SLC35B3: variants seen among roughly 807,000 people sequenced by gnomAD.
SLC35B3 encodes the protein solute carrier family 35 member B3, also known as adenosine 3'-phospho 5'-phosphosulfate transporter 2.
SLC35B3 carries 35 observed loss-of-function variants against 44.1 expected under a neutral mutation model. The ratio of observed to expected loss-of-function variants is 0.79; its 90% CI spans 0.61 to 1.05. The LOEUF (loss-of-function observed/expected upper bound fraction) is 1.05, where lower values mean the gene tolerates loss of function less well. Ranked by LOEUF, SLC35B3 falls within the 50% of genes least tolerant of loss-of-function variation. The pLI is 0.00. For missense variants in SLC35B3, 414 were observed against 476.4 expected, an observed-to-expected ratio of 0.87 and a Z score of 1.22; for synonymous variants, 146 against 167.3, an observed-to-expected ratio of 0.87 and a Z score of 0.98.
chr6:8,418,413 C>T (rs1762602846), intron 7 of SLC35B3, among the ~76,000 whole-genome samples: 1 of 151,838 alleles, frequency 6.6e-6, no homozygotes, highest in Non-Finnish European at 1.5e-5. Flanking sequence ...TCCTGTCTAT[C>T]CTTAATTCAG....
At chr6:8,428,131 C>A in intron 3 of SLC35B3, 73 bp from the exon 3 acceptor site, 1 of 1,329,276 alleles carries the variant, frequency 7.5e-7, no homozygotes, top group South Asian at 2.5e-5. Flanking sequence ...TTCTTAGAAA[C>A]ACAACATTTT....
intron 5 of SLC35B3, among the ~76,000 whole-genome samples, chr6:8,421,523 A>G (rs947124925): frequency 6.6e-6 from 1 of 152,194 alleles, no homozygotes; most frequent in Non-Finnish European, 1.5e-5. Flanking sequence ...CTAATGCATA[A>G]ATGATATCAG....
chr6:8,435,038 C>T lies in SLC35B3; in HGVS notation c.-44+305G>A. ...AGGTGACTGACAGTTCTCCAGAGAC[C>T]CCGAGAACAGCGTAAAAGACCCCTT... On this transcript the variant is annotated intron_variant, in intron 1 of 10. Coordinates refer to ENST00000644923, the MANE Select transcript of SLC35B3 (RefSeq NM_001370476.2). The surrounding 1 kb of genome is among the most constrained non-coding windows in gnomAD (Gnocchi z 5.5). The T allele has an allele frequency of 8.6e-7, 1 of 1,168,508 alleles. No homozygotes were observed. Among genetic ancestry groups the T allele is most frequent in the Non-Finnish European group, 1.1e-6 (1 of 921,872 alleles). 72.4% of individuals were successfully genotyped at this position (1,168,508 alleles called of 1,614,324 possible). A position where few individuals can be genotyped will look rare whatever the true frequency, so the allele number is the denominator to read the frequency against.
chr6:8,420,727 G>C lies in SLC35B3; in HGVS notation c.676C>G (p.Leu226Val). The C allele has an allele frequency of 6.2e-7, 1 of 1,609,892 alleles. No homozygotes were observed. The highest frequency in any genetic ancestry group is 8.5e-7 in the Non-Finnish European group (1 of 1,177,054). Residue 226 changes from leucine (L) to valine (V), a missense_variant, in exon 6 of 11, where the codon CTG becomes GTG. Coordinates refer to ENST00000644923, the MANE Select transcript of SLC35B3 (RefSeq NM_001370476.2). This position sits in a 1 kb window ranked among gnomAD's most constrained non-coding sequence, Gnocchi z 4.4. The stretch of plus-strand genomic sequence containing the variant: ...ATATAAATAAATTACTTACCCGTCA[G>C]GTTGAAATTTGGTGCAGTTGTGCTG...
rs1764189116 is a variant in SLC35B3 at position 8,433,532 on chromosome 6, C to T, written c.3+853G>A. ...AACGTTATTCAGCTCCTTTCCAACA[C>T]TTTACCACTTCTAATACACTTCTTG... On this transcript the variant is annotated intron_variant, in intron 2 of 10. Transcript: ENST00000644923. The surrounding 1 kb of genome is among the most constrained non-coding windows in gnomAD (Gnocchi z 4.1). 6.6e-6 allele frequency among the ~76,000 whole-genome samples: 1 copy of T among 152,172 alleles called. No individual in the cohort carries two copies. The highest frequency in any genetic ancestry group is 1.9e-4 in the East Asian group (1 of 5,184).
intron 9 of SLC35B3, among the ~76,000 whole-genome samples, chr6:8,416,378 G>A (rs34088699): frequency 3.3e-5 from 5 of 152,180 alleles, no homozygotes; most frequent in African/African-American, 9.6e-5. Flanking sequence ...AAATACAACT[G>A]ATTTTTCTAC....
chr6:8,420,468 C>T lies in SLC35B3; in HGVS notation c.682+253G>A, dbSNP rs941319499. On this transcript the variant is annotated intron_variant, in intron 6 of 10. Transcript: ENST00000644923. The surrounding 1 kb of genome is among the most constrained non-coding windows in gnomAD (Gnocchi z 4.4). Reference sequence around the variant, plus strand: ...ATAATTATAATAAAGGTACAACTGACATAAACAAATCTGAGTCAACACTTC... The same window carrying T: ...ATAATTATAATAAAGGTACAACTGATATAAACAAATCTGAGTCAACACTTC... 6.6e-6 allele frequency among the ~76,000 whole-genome samples: 1 copy of T among 152,136 alleles called. No homozygotes were observed. The highest frequency in any genetic ancestry group is 2.4e-5 in the African/African-American group (1 of 41,440).
chr6:8,431,386 T>G (rs560595413), intron 2 of SLC35B3, among the ~76,000 whole-genome samples: 9 of 152,180 alleles, frequency 5.9e-5, no homozygotes, highest in Non-Finnish European at 1.2e-4. Context: ...TGGCTTAAAA[T>G]GGCCAAAATT....
In SLC35B3 at chr6:8,413,057, A is replaced by T. The variant is rs1762109612; in HGVS notation, c.*492T>A. 1 of 152,354 alleles carries T rather than the reference A, an allele frequency of 6.6e-6. No individual in the cohort carries two copies. Among genetic ancestry groups the T allele is most frequent in the African/African-American group, 2.4e-5 (1 of 41,460 alleles). The allele number at this position is 152,354 out of a possible 1,614,324, so 9.4% of individuals were successfully genotyped here. Reference sequence around the variant, plus strand: ...ATTTCTCTCTTTATAACAAAATTCTATTAACACATCTTGAAAAAAGATCAC... The same window carrying T: ...ATTTCTCTCTTTATAACAAAATTCTTTTAACACATCTTGAAAAAAGATCAC... On this transcript the variant is annotated 3_prime_UTR_variant, in exon 11 of 11. Transcript: ENST00000644923.
rs1764427849 is a variant in SLC35B3 at position 8,435,545 on chromosome 6, T to A, written c.-246A>T. 1.4e-5 allele frequency: 6 copies of A among 424,788 alleles called. No homozygotes were observed. The highest frequency in any genetic ancestry group is 1.2e-4 in the South Asian group (6 of 50,758). 26.3% of individuals were successfully genotyped at this position (424,788 alleles called of 1,614,324 possible). A position where few individuals can be genotyped will look rare whatever the true frequency, so the allele number is the denominator to read the frequency against. ...CGCCCGCAGGCCACTTCCGCCTATG[T>A]GTCCCTGCGCGCGTGCGCAGACGCG... On this transcript the variant is annotated 5_prime_UTR_variant, in exon 1 of 11. Transcript: ENST00000644923. The surrounding 1 kb of genome is among the most constrained non-coding windows in gnomAD (Gnocchi z 5.5).
intron 4 of SLC35B3, among the ~76,000 whole-genome samples, chr6:8,425,448 G>C (rs1047981939): frequency 6.6e-6 from 1 of 151,858 alleles, no homozygotes; most frequent in African/African-American, 2.4e-5. Context: ...TGAGGAAGTT[G>C]GATTTCATCA....
Position 8,419,321 on chromosome 6 carries a change from G to C in SLC35B3, c.780+259C>G, listed in dbSNP as rs1423599357. ...TACTACCCACTAGAAAGAGATGAGA[G>C]AAAGGATATAACAAAAGATTTTATT... On this transcript the variant is annotated intron_variant, in intron 7 of 10. Coordinates refer to ENST00000644923, the MANE Select transcript of SLC35B3 (RefSeq NM_001370476.2). The surrounding 1 kb of genome is among the most constrained non-coding windows in gnomAD (Gnocchi z 4.3). 6.6e-6 allele frequency among the ~76,000 whole-genome samples: 1 copy of C among 151,612 alleles called. No individual in the cohort carries two copies. The highest frequency in any genetic ancestry group is 6.6e-5 in the Admixed American group (1 of 15,196).
intron 9 of SLC35B3, among the ~76,000 whole-genome samples, 171 bp downstream of exon 8, chr6:8,416,713 C>T (rs1253533296): frequency 1.3e-5 from 2 of 152,016 alleles, no homozygotes; most frequent in Non-Finnish European, 2.9e-5. Context: ...TAAGATCAAA[C>T]AACATTTTCT....
Position 8,422,606 on chromosome 6 carries a change from G to A in SLC35B3, c.438C>T (p.Tyr146=). 1 of 1,608,016 alleles carries A rather than the reference G, an allele frequency of 6.2e-7. No individual in the cohort carries two copies. The highest frequency in any genetic ancestry group is 8.5e-7 in the Non-Finnish European group (1 of 1,178,330). Residue 146 remains tyrosine, a synonymous_variant, in exon 5 of 11, where the codon TAC becomes TAT. Transcript: ENST00000644923. ...CCACAGTTAGAAAAGCTATTATCAT[G>A]TAGGTTTTTCCTGGTATTCTGTAAA... is the stretch of plus-strand genomic sequence containing the variant.
intron 2 of SLC35B3, among the ~76,000 whole-genome samples, chr6:8,430,910 G>GAAAAA (rs1454844803): frequency 2.0e-5 from 2 of 102,134 alleles, no homozygotes; most frequent in Non-Finnish European, 3.8e-5. Context: ...GAAAATAAAT[G>GAAAAA]AAAAAAACAA....
rs1305110196 is a variant in SLC35B3 at position 8,413,718 on chromosome 6, G to GA, written c.1056-20dup. On this transcript the variant is annotated intron_variant, in intron 10 of 10. Transcript: ENST00000644923. ...TACATACCTAAGAGAAAGAAATAAG[G>GA]AAAAAAAATTAAAATTAGCAAAATA... The GA allele has an allele frequency of 1.5e-5, 21 of 1,416,474 alleles. No homozygotes were observed. The highest frequency in any genetic ancestry group is 5.6e-5 in the South Asian group (4 of 72,012). The allele number at this position is 1,416,474 out of a possible 1,614,324, so 87.7% of individuals were successfully genotyped here. A position where few individuals can be genotyped will look rare whatever the true frequency, so the allele number is the denominator to read the frequency against.
chr6:8,423,396 T>G (rs1407905094), intron 4 of SLC35B3, among the ~76,000 whole-genome samples: 2 of 137,832 alleles, frequency 1.5e-5, no homozygotes, highest in Non-Finnish European at 3.1e-5. Context: ...ATAATCAACT[T>G]TTAAGATGAG....
At position 8,435,353 on chromosome 6, in the gene SLC35B3, G is replaced by A; in HGVS notation, c.-54C>T. 3 of 1,289,208 alleles carry A rather than the reference G, an allele frequency of 2.3e-6. No individual in the cohort carries two copies. Among genetic ancestry groups the A allele is most frequent in the Middle Eastern group, 2.2e-4 (1 of 4,546 alleles). 79.9% of individuals were successfully genotyped at this position (1,289,208 alleles called of 1,614,324 possible). ...CGAAGGCACGCGTACCCCAAGGCCG[G>A]TATGTCACCCGGAAGGGTGACGGCA... On this transcript the variant is annotated 5_prime_UTR_variant, in exon 1 of 11. Transcript: ENST00000644923. This position sits in a 1 kb window ranked among gnomAD's most constrained non-coding sequence, Gnocchi z 5.5.
At position 8,432,282 on chromosome 6, in the gene SLC35B3, A is replaced by T. The variant is rs567375902; in HGVS notation, c.3+2103T>A. Among the ~76,000 whole-genome samples, 1 of 151,892 alleles carries T rather than the reference A, an allele frequency of 6.6e-6. No homozygotes were observed. Among genetic ancestry groups the T allele is most frequent in the South Asian group, 2.1e-4 (1 of 4,816 alleles). ...ATGAGCAAAACTGAAAATCTTATAG[A>T]AAAAGAGTGGGGAAAATTTACAAAT... is the stretch of plus-strand genomic sequence containing the variant. On this transcript the variant is annotated intron_variant, in intron 2 of 10. Coordinates refer to ENST00000644923, the MANE Select transcript of SLC35B3 (RefSeq NM_001370476.2). This position sits in a 1 kb window ranked among gnomAD's most constrained non-coding sequence, Gnocchi z 4.8.
Sources: gnomAD v4.1 joint callset for allele counts (sites outside exome capture counted in the v4.1 genomes callset) on GRCh38, gnomAD v4.1.1 for gene constraint, Gnocchi (gnomAD v3.1) non-coding constraint, MANE v1.5 for transcripts, NCBI Gene and HGNC (gene_info 2026-07-23, HGNC 2026-07-21) for gene names.